The following WDR41 variants were observed in gnomAD, a reference collection of about 807,000 sequenced individuals.
The protein encoded by WDR41 is WD repeat domain 41, also known as WD repeat-containing protein 41.
Under a neutral mutation model 69.3 loss-of-function variants are expected in WDR41, and 63 were observed. The ratio of observed to expected loss-of-function variants is 0.91; its 90% CI spans 0.74 to 1.12. WDR41 has a LOEUF of 1.12. WDR41 is among the 50% of genes most tolerant of loss of function. The pLI, the probability that WDR41 is intolerant of heterozygous loss-of-function variation, is 0.00. For missense variants in WDR41, 543 were observed against 534.5 expected (o/e 1.02, Z -0.16); for synonymous variants, 185 against 192.1 (o/e 0.96, Z 0.31).
intron 1 of WDR41, among the ~76,000 whole-genome samples, chr5:77,590,514 A>G (rs1197681820): frequency 6.6e-6 from 1 of 152,218 alleles, no homozygotes; most frequent in Non-Finnish European, 1.5e-5. Context: ...CTTCCCACAG[A>G]TACCTTTAAT....
chr5:77,492,008 C>T (rs997867630), intron 1 of WDR41, 162 bp downstream of exon 1: 2 of 906,948 alleles, frequency 2.2e-6, no homozygotes, highest in Non-Finnish European at 1.6e-6. Context: ...GCTCCCGCGC[C>T]CTCCGCCCCC....
intron 1 of WDR41, among the ~76,000 whole-genome samples, chr5:77,616,149 G>T (rs1333583662): frequency 2.6e-5 from 4 of 151,168 alleles, no homozygotes; most frequent in Non-Finnish European, 4.4e-5. Flanking sequence ...GGGGAAATTG[G>T]GGTGGGATAG....
intron 1 of WDR41, among the ~76,000 whole-genome samples, chr5:77,554,991 GC>G (rs1236034332): frequency 6.6e-6 from 1 of 151,840 alleles, no homozygotes; most frequent in Non-Finnish European, 1.5e-5. Flanking sequence ...TACTCAAGAA[GC>G]TGAGGTGGGA....
chr5:77,584,684 C>A (rs1744006413), intron 1 of WDR41, among the ~76,000 whole-genome samples: 1 of 152,096 alleles, frequency 6.6e-6, no homozygotes, highest in Non-Finnish European at 1.5e-5. Context: ...TTACAGACAA[C>A]TGATCTTCAA....
intron 2 of WDR41, among the ~76,000 whole-genome samples, chr5:77,476,838 G>A (rs1375034830): frequency 1.4e-5 from 2 of 145,094 alleles, no homozygotes; most frequent in Admixed American, 6.9e-5. Flanking sequence ...AACTTTAAAT[G>A]TAAATGGACT....
intron 2 of WDR41, among the ~76,000 whole-genome samples, chr5:77,471,551 G>T (rs1205908901): frequency 6.6e-6 from 1 of 152,066 alleles, no homozygotes; most frequent in Non-Finnish European, 1.5e-5. Flanking sequence ...AAGAAGAAAA[G>T]AGAGAAGAAT....
At chr5:77,541,456 A>T (rs1743087071) in intron 1 of WDR41, among the ~76,000 whole-genome samples, 1 of 148,640 alleles carries the variant, frequency 6.7e-6, no homozygotes, top group African/African-American at 2.5e-5. Context: ...AAAACAACAG[A>T]TGCTGCCAAG....
chr5:77,516,595 G>GC (rs5868870), intron 1 of WDR41, among the ~76,000 whole-genome samples: 89,569 of 151,964 alleles, frequency 0.59, 27,629 homozygotes, highest in African/African-American at 0.77. Context: ...AGGGACTTTG[G>GC]TTTTTCCATG....
In WDR41 at chr5:77,510,411, G is replaced by A. The variant is rs190053225; in HGVS notation, c.43-20839C>T. On this transcript the variant is annotated intron_variant, in intron 1 of 5. Coordinates refer to the WDR41 transcript ENST00000509971. ...GATGAGATTTGGGTGGGGACACAGA[G>A]CCAAACCATATCACCAGGATTACAT... Among the ~76,000 whole-genome samples, 24 of 152,274 alleles carry A rather than the reference G, an allele frequency of 1.6e-4. No individual in the cohort carries two copies. In the East Asian group the frequency reaches 4.0e-3, roughly 26 times the overall value.
intron 5 of WDR41, among the ~76,000 whole-genome samples, chr5:77,456,250 C>T (rs189661173): frequency 2.4e-4 from 37 of 152,288 alleles, no homozygotes; most frequent in African/African-American, 8.4e-4. Flanking sequence ...CTCAAGCAAT[C>T]CTCCCACCTT....
At chr5:77,548,145 G>A (rs1743230780) in intron 1 of WDR41, among the ~76,000 whole-genome samples, 1 of 152,124 alleles carries the variant, frequency 6.6e-6, no homozygotes, top group South Asian at 2.1e-4. Context: ...GATGGATTAA[G>A]TACTTAAATC....
At chr5:77,549,732 C>A (rs369348269) in intron 1 of WDR41, among the ~76,000 whole-genome samples, 5 of 152,128 alleles carry the variant, frequency 3.3e-5, no homozygotes, top group African/African-American at 1.2e-4. Flanking sequence ...TCCTATCAAG[C>A]TACCAATGTC....
Position 77,432,975 on chromosome 5 carries a change from G to A in WDR41, c.*160C>T. 2.9e-6 allele frequency: 2 copies of A among 696,056 alleles called. No individual in the cohort carries two copies. Among genetic ancestry groups the A allele is most frequent in the Non-Finnish European group, 4.6e-6 (2 of 434,780 alleles). The allele number at this position is 696,056 out of a possible 1,614,324, so 43.1% of individuals were successfully genotyped here. A position where few individuals can be genotyped will look rare whatever the true frequency, so the allele number is the denominator to read the frequency against. On this transcript the variant is annotated 3_prime_UTR_variant, in exon 13 of 13. Coordinates refer to ENST00000296679, the MANE Select transcript of WDR41 (RefSeq NM_018268.4). The stretch of plus-strand genomic sequence containing the variant: ...TATACTAGGACCTGAGAAGCAACAT[G>A]TTCCTGGTTGGTAGGTCCACAAAAA...
Position 77,506,591 on chromosome 5 carries a change from T to C in WDR41, c.43-17019A>G, listed in dbSNP as rs540018139. Among the ~76,000 whole-genome samples the C allele has an allele frequency of 2.8e-3, 425 of 152,296 alleles. 4 individuals carry two copies. The highest frequency in any genetic ancestry group is 1.0e-2 in the African/African-American group (414 of 41,562). On this transcript the variant is annotated intron_variant, in intron 1 of 5. Transcript: ENST00000509971. Reference sequence around the variant, plus strand: ...TGCTATAAAGACACATGCACACATATGTTTATTGCAGTACTATTCACAATA... The same window carrying C: ...TGCTATAAAGACACATGCACACATACGTTTATTGCAGTACTATTCACAATA...
At chr5:77,482,365 T>C (rs1307709461) in intron 2 of WDR41, among the ~76,000 whole-genome samples, 1 of 152,240 alleles carries the variant, frequency 6.6e-6, no homozygotes, top group African/African-American at 2.4e-5. Flanking sequence ...TTTAAACAGT[T>C]AGAAGGATCC....
chr5:77,529,729 C>T (rs746893769), intron 1 of WDR41, among the ~76,000 whole-genome samples: 1 of 151,424 alleles, frequency 6.6e-6, no homozygotes, highest in Non-Finnish European at 1.5e-5. Context: ...TAAATGAATA[C>T]ATGGTTTATG....
At chr5:77,462,872 CA>C (rs1447936880) in intron 4 of WDR41, among the ~76,000 whole-genome samples, 1 of 152,162 alleles carries the variant, frequency 6.6e-6, no homozygotes, top group East Asian at 1.9e-4. Context: ...GAAAGAACAG[CA>C]ATAGTCACGG....
chr5:77,598,644 C>CCTTTT (rs1433590220), intron 1 of WDR41, among the ~76,000 whole-genome samples: 2 of 121,358 alleles, frequency 1.6e-5, no homozygotes, highest in African/African-American at 2.9e-5. Flanking sequence ...AGTAAGTTTC[C>CCTTTT]TTTTTTTTTT....
At chr5:77,480,089 G>C (rs1287173344) in intron 2 of WDR41, 2 of 151,744 alleles carry the variant, frequency 1.3e-5, no homozygotes, top group East Asian at 3.9e-4. Flanking sequence ...ACCATCACTG[G>C]CCATCAGAGA....
Sources: gnomAD v4.1 joint callset for allele counts (sites outside exome capture counted in the v4.1 genomes callset) on GRCh38, gnomAD v4.1.1 for gene constraint, MANE v1.5 for transcripts, NCBI Gene and HGNC (gene_info 2026-07-23, HGNC 2026-07-21) for gene names.